The following TGFB2 variants were observed in gnomAD, a reference collection of about 807,000 sequenced individuals.
TGFB2 encodes transforming growth factor beta-2 proprotein.
Under a neutral mutation model 42.7 loss-of-function variants are expected in TGFB2, and 13 were observed. That is an observed-to-expected ratio of 0.30 (90% CI 0.20 to 0.48). The LOEUF is 0.48. Ranked by LOEUF, TGFB2 falls within the 20% of genes least tolerant of loss-of-function variation. The pLI, the probability that TGFB2 is intolerant of heterozygous loss-of-function variation, is 0.99. For missense variants in TGFB2, 390 were observed against 517.5 expected (o/e 0.75, Z 2.39); for synonymous variants, 193 against 193.6 (o/e 1.00, Z 0.03).
chr1:218,355,647 G>A (rs1449571054), intron 1 of TGFB2, among the ~76,000 whole-genome samples: 1 of 152,154 alleles, frequency 6.6e-6, no homozygotes, highest in Non-Finnish European at 1.5e-5. Context: ...TTGTAAAGAA[G>A]AACATCGACT....
rs954685259 is a variant in TGFB2 at position 218,442,386 on chromosome 1, A to G, written c.*1024A>G. The G allele has an allele frequency of 6.6e-6, 1 of 152,154 alleles. No individual in the cohort carries two copies. The highest frequency in any genetic ancestry group is 1.5e-5 in the Non-Finnish European group (1 of 68,008). 9.4% of individuals were successfully genotyped at this position (152,154 alleles called of 1,614,324 possible). On this transcript the variant is annotated 3_prime_UTR_variant, in exon 7 of 7. Coordinates refer to ENST00000366930, the MANE Select transcript of TGFB2 (RefSeq NM_003238.6). The stretch of plus-strand genomic sequence containing the variant: ...CATCTGCAGATCTCTTTTGCAAACT[A>G]TTAAATCAAAACATTAACTACTTTA...
At chr1:218,356,795 G>T (rs1657048975) in intron 1 of TGFB2, among the ~76,000 whole-genome samples, 1 of 152,154 alleles carries the variant, frequency 6.6e-6, no homozygotes, top group Non-Finnish European at 1.5e-5. Flanking sequence ...GGCAGCTGTG[G>T]TTATACTCAT....
intron 2 of TGFB2, among the ~76,000 whole-genome samples, chr1:218,407,512 C>T (rs1298426185): frequency 2.6e-5 from 4 of 152,176 alleles, no homozygotes; most frequent in Non-Finnish European, 4.4e-5. Context: ...ATGGGCCAGC[C>T]GTTGCTCGTC....
chr1:218,396,864 T>G (rs1157877251), intron 1 of TGFB2, among the ~76,000 whole-genome samples: 3 of 152,236 alleles, frequency 2.0e-5, no homozygotes, highest in Non-Finnish European at 2.9e-5. Flanking sequence ...CAAGGCAGAC[T>G]ACTACTGCAA....
chr1:218,368,337 A>T (rs765036955), intron 1 of TGFB2, among the ~76,000 whole-genome samples: 18 of 150,624 alleles, frequency 1.2e-4, no homozygotes, highest in Non-Finnish European at 1.9e-4. Context: ...GGGTTTCACC[A>T]TGTTGGCCCC....
intron 1 of TGFB2, chr1:218,363,355 C>T (rs770992890): frequency 6.2e-7 from 1 of 1,614,024 alleles, no homozygotes; most frequent in African/African-American, 1.3e-5. Context: ...GTTGTTACAA[C>T]ACCCTCTGGC....
chr1:218,440,108 T>C (rs1660104629), intron 6 of TGFB2, among the ~76,000 whole-genome samples: 1 of 152,244 alleles, frequency 6.6e-6, no homozygotes, highest in South Asian at 2.1e-4. Context: ...GGTGTAAGGC[T>C]AATTATAGAA....
At chr1:218,374,143 T>TA (rs531864484) in intron 1 of TGFB2, among the ~76,000 whole-genome samples, 2 of 152,218 alleles carry the variant, frequency 1.3e-5, no homozygotes, top group Non-Finnish European at 2.9e-5. Context: ...GGACAACTGT[T>TA]TTGTTGTTGC....
chr1:218,362,834 T>C (rs1165018424), intron 1 of TGFB2, among the ~76,000 whole-genome samples: 1 of 152,174 alleles, frequency 6.6e-6, no homozygotes, highest in Non-Finnish European at 1.5e-5. Context: ...CCCAAACCAA[T>C]ATTCACTTGT....
At chr1:218,415,722 A>AAAAAAAAG (rs1558253462) in intron 2 of TGFB2, among the ~76,000 whole-genome samples, 1 of 150,004 alleles carries the variant, frequency 6.7e-6, no homozygotes, top group African/African-American at 2.5e-5. Flanking sequence ...AAAAAAAAAA[A>AAAAAAAAG]AAGTTGCAGA....
At chr1:218,380,400 A>T (rs1291255454) in intron 1 of TGFB2, among the ~76,000 whole-genome samples, 1 of 152,180 alleles carries the variant, frequency 6.6e-6, no homozygotes, top group Non-Finnish European at 1.5e-5. Flanking sequence ...TAAGCTCCTT[A>T]CAGTCTGAAA....
At chr1:218,371,284 G>A (rs1008262170) in intron 1 of TGFB2, among the ~76,000 whole-genome samples, 5 of 152,210 alleles carry the variant, frequency 3.3e-5, no homozygotes, top group African/African-American at 1.2e-4. Flanking sequence ...CTGGGCGATA[G>A]AGGGGAGACC....
chr1:218,415,068 T>G (rs1183692574), intron 2 of TGFB2, among the ~76,000 whole-genome samples: 1 of 152,180 alleles, frequency 6.6e-6, no homozygotes, highest in Non-Finnish European at 1.5e-5. Context: ...GTCATGTCAC[T>G]AACACTATTT....
intron 1 of TGFB2, among the ~76,000 whole-genome samples, chr1:218,389,012 G>A (rs1165887426): frequency 3.3e-5 from 5 of 152,124 alleles, no homozygotes; most frequent in East Asian, 1.9e-4. Context: ...TCTTGAGCTC[G>A]ATGTCAGAAG....
Position 218,442,871 on chromosome 1 carries a change from A to G in TGFB2, c.*1509A>G, listed in dbSNP as rs1205971726. On this transcript the variant is annotated 3_prime_UTR_variant, in exon 7 of 7. Coordinates refer to ENST00000366930, the MANE Select transcript of TGFB2 (RefSeq NM_003238.6). ...TAACTAAAACTCAGAATCTTTATTG[A>G]GTTAAGAAAAGTTTCTCTACCTTGG... 6.6e-6 allele frequency: 1 copy of G among 152,162 alleles called. No homozygotes were observed. The highest frequency in any genetic ancestry group is 2.4e-5 in the African/African-American group (1 of 41,452). 9.4% of individuals were successfully genotyped at this position (152,162 alleles called of 1,614,324 possible).
intron 1 of TGFB2, among the ~76,000 whole-genome samples, chr1:218,400,371 A>G (rs535311883): frequency 5.9e-5 from 9 of 152,000 alleles, no homozygotes; most frequent in Non-Finnish European, 1.0e-4. Context: ...GGGCATGGGG[A>G]TGCTCCCAGA....
Position 218,437,507 on chromosome 1 carries a change from A to G in TGFB2, c.1086+11A>G. 1.2e-6 allele frequency: 2 copies of G among 1,603,132 alleles called. No homozygotes were observed. Among genetic ancestry groups the G allele is most frequent in the Non-Finnish European group, 1.7e-6 (2 of 1,175,174 alleles). On this transcript the variant is annotated intron_variant, in intron 6 of 6. Transcript: ENST00000366930. ...ACTCAGCACAGCAGGGTGAGTGTTC[A>G]GCTTACCTGTTGCCTCTGTTCTTGG...
At chr1:218,357,599 A>G (rs1657080835) in intron 1 of TGFB2, among the ~76,000 whole-genome samples, 3 of 152,226 alleles carry the variant, frequency 2.0e-5, no homozygotes, top group Admixed American at 1.3e-4. Context: ...TAAGTCAGAA[A>G]TGTTTGGCTT....
At position 218,346,043 on chromosome 1, in the gene TGFB2, A is replaced by C; in HGVS notation, c.-659A>C. Among the ~76,000 whole-genome samples, 1 of 140,852 alleles carries C rather than the reference A, an allele frequency of 7.1e-6. No individual in the cohort carries two copies. Among genetic ancestry groups the C allele is most frequent in the South Asian group, 2.3e-4 (1 of 4,340 alleles). 92.4% of individuals were successfully genotyped at this position (140,852 alleles called of 152,430 possible). On this transcript the variant is annotated 5_prime_UTR_variant, in exon 1 of 7. Transcript: ENST00000366930. This position sits in a 1 kb window ranked among gnomAD's most constrained non-coding sequence, Gnocchi z 4.9. ...CCCGCGGTGCGCTGGGCTCGCCCCC[A>C]GCGCGCGCACACGCACACACACACA...
Sources: gnomAD v4.1 joint callset for allele counts (sites outside exome capture counted in the v4.1 genomes callset) on GRCh38, gnomAD v4.1.1 for gene constraint, Gnocchi (gnomAD v3.1) non-coding constraint, MANE v1.5 for transcripts, NCBI Gene and HGNC (gene_info 2026-07-23, HGNC 2026-07-21) for gene names.